Variants in TTC39B observed in about 807,000 individuals in gnomAD.
TTC39B encodes the protein tetratricopeptide repeat protein 39B.
In TTC39B, 92 loss-of-function variants were observed where a neutral mutation model predicts 96.6. The observed-to-expected ratio is 0.95, with a 90% CI of 0.80 to 1.13. TTC39B has a LOEUF of 1.13. TTC39B is among the 50% of genes most tolerant of loss of function. TTC39B has a pLI of 0.00. For synonymous variants in TTC39B, 367 were observed against 299.4 expected (o/e 1.23, Z -2.33); for missense variants, 955 against 809.3 (o/e 1.18, Z -2.18).
At chr9:15,305,789 GTTAA>G (rs1327631332) in intron 1 of TTC39B, among the ~76,000 whole-genome samples, 1 of 151,210 alleles carries the variant, frequency 6.6e-6, no homozygotes, top group African/African-American at 2.4e-5. Context: ...TTATCCCAGT[GTTAA>G]TTAATAATAG....
At chr9:15,286,261 A>G (rs1587010325) in intron 1 of TTC39B, among the ~76,000 whole-genome samples, 1 of 152,358 alleles carries the variant, frequency 6.6e-6, no homozygotes, top group Middle Eastern at 3.4e-3. Context: ...TCTGGCAGTC[A>G]CAACTCTTTA....
At chr9:15,227,200 G>A (rs553393835) in intron 2 of TTC39B, among the ~76,000 whole-genome samples, 19 of 152,002 alleles carry the variant, frequency 1.2e-4, no homozygotes, top group Middle Eastern at 3.4e-3. Flanking sequence ...CCAGCTACCC[G>A]GGAGGCTGAG....
chr9:15,229,237 G>A (rs7864357), intron 2 of TTC39B, among the ~76,000 whole-genome samples: 1,560 of 152,200 alleles, frequency 0.01, 28 homozygotes, highest in African/African-American at 0.036. Context: ...ATTCTTTCCT[G>A]CATGGATAAG....
At chr9:15,188,872 G>A (rs1818688491) in intron 13 of TTC39B, among the ~76,000 whole-genome samples, 1 of 152,046 alleles carries the variant, frequency 6.6e-6, no homozygotes, top group Non-Finnish European at 1.5e-5. Flanking sequence ...ATGTACCTGT[G>A]CACAGAAATA....
intron 5 of TTC39B, among the ~76,000 whole-genome samples, chr9:15,210,872 A>G (rs1329897336): frequency 6.6e-6 from 1 of 152,206 alleles, no homozygotes; most frequent in Admixed American, 6.5e-5. Flanking sequence ...ATTTTCACCA[A>G]ACAAAAGTGT....
At chr9:15,216,603 T>C (rs1469319216) in intron 3 of TTC39B, among the ~76,000 whole-genome samples, 2 of 152,200 alleles carry the variant, frequency 1.3e-5, no homozygotes, top group Admixed American at 6.5e-5. Context: ...GAACATCTCT[T>C]GAATTTATCC....
rs555344589 is a variant in TTC39B, at chr9:15,230,977, T to A, written c.276-4965A>T. Among the ~76,000 whole-genome samples the A allele has an allele frequency of 1.6e-3, 208 of 133,148 alleles. 1 individual carries two copies. Among genetic ancestry groups the A allele is most frequent in the African/African-American group, 6.0e-3 (200 of 33,342 alleles). The allele number at this position is 133,148 out of a possible 152,430, so 87.4% of individuals were successfully genotyped here. On this transcript the variant is annotated intron_variant, in intron 2 of 19. Transcript: ENST00000512701. Reference sequence around the variant, plus strand: ...TCCAGCCTGGGTGACAGAGTGAGACTCCATCTCAGAAAAAAAAAAAAACAA... The same window carrying A: ...TCCAGCCTGGGTGACAGAGTGAGACACCATCTCAGAAAAAAAAAAAAACAA...
intron 1 of TTC39B, among the ~76,000 whole-genome samples, chr9:15,294,772 G>A (rs1265832755): frequency 6.6e-6 from 1 of 152,150 alleles, no homozygotes; most frequent in Non-Finnish European, 1.5e-5. Flanking sequence ...ACTCTGGCTG[G>A]GCCAATCTTT....
At chr9:15,285,225 C>T (rs1030789556) in intron 1 of TTC39B, among the ~76,000 whole-genome samples, 10 of 151,188 alleles carry the variant, frequency 6.6e-5, no homozygotes, top group South Asian at 4.2e-4. Context: ...GCCGAGATCA[C>T]GCCACTGCAC....
intron 3 of TTC39B, among the ~76,000 whole-genome samples, chr9:15,217,487 T>C (rs1820587703): frequency 6.6e-6 from 1 of 152,068 alleles, no homozygotes; most frequent in Non-Finnish European, 1.5e-5. Flanking sequence ...ACGATGATGC[T>C]CACCTGGAAT....
intron 18 of TTC39B, among the ~76,000 whole-genome samples, chr9:15,176,805 C>T (rs923264602): frequency 4.6e-5 from 7 of 152,190 alleles, no homozygotes; most frequent in African/African-American, 7.2e-5. Flanking sequence ...ACCACTCAGC[C>T]GGCCTTATTA....
chr9:15,243,560 G>A (rs1822142192), intron 2 of TTC39B, among the ~76,000 whole-genome samples: 1 of 152,180 alleles, frequency 6.6e-6, no homozygotes, highest in Non-Finnish European at 1.5e-5. Context: ...CAAAAATCAG[G>A]TGAGCACTCA....
intron 2 of TTC39B, among the ~76,000 whole-genome samples, chr9:15,246,391 G>A (rs1332741184): frequency 6.6e-6 from 1 of 152,130 alleles, no homozygotes; most frequent in South Asian, 2.1e-4. Flanking sequence ...TAACTCTTGG[G>A]GTTTTAGTTG....
intron 8 of TTC39B, among the ~76,000 whole-genome samples, chr9:15,196,230 T>C (rs1353026528): frequency 1.3e-5 from 2 of 152,190 alleles, no homozygotes; most frequent in East Asian, 1.9e-4. Context: ...TAACACAACA[T>C]CCATTCTGCA....
intron 2 of TTC39B, among the ~76,000 whole-genome samples, chr9:15,267,099 A>G (rs1823164051): frequency 6.6e-6 from 1 of 152,072 alleles, no homozygotes; most frequent in Non-Finnish European, 1.5e-5. Flanking sequence ...GACACCAGAG[A>G]GCTTTTGCTC....
At chr9:15,177,444 T>C (rs1564310716) in intron 18 of TTC39B, among the ~76,000 whole-genome samples, 1 of 152,198 alleles carries the variant, frequency 6.6e-6, no homozygotes, top group Non-Finnish European at 1.5e-5. Context: ...TAGACACCTG[T>C]TAGTTGAGCT....
chr9:15,187,991 T>C (rs759553167), exon 14 of TTC39B: 2 of 1,601,838 alleles, frequency 1.2e-6, no homozygotes, highest in Admixed American at 3.5e-5. Flanking sequence ...TTACTCTCTT[T>C]GCAAAGCAGA....
At chr9:15,191,744 G>T (rs1818870003) in intron 9 of TTC39B, among the ~76,000 whole-genome samples, 1 of 152,206 alleles carries the variant, frequency 6.6e-6, no homozygotes, top group Non-Finnish European at 1.5e-5. Context: ...ACCTGGTTAT[G>T]CACTATGCTT....
At chr9:15,198,251 G>A (rs1819295200) in intron 8 of TTC39B, among the ~76,000 whole-genome samples, 1 of 151,824 alleles carries the variant, frequency 6.6e-6, no homozygotes, top group African/African-American at 2.4e-5. Flanking sequence ...GAGGTCAGGA[G>A]TTCGAGACCA....
Sources: allele counts gnomAD v4.1 joint callset (sites outside exome capture counted in the v4.1 genomes callset), GRCh38; gene constraint gnomAD v4.1.1; transcripts MANE v1.5; gene names NCBI Gene and HGNC (gene_info 2026-07-23, HGNC 2026-07-21).